The following MTMR14 variants were observed in gnomAD, a reference collection of about 807,000 sequenced individuals.
MTMR14 encodes phosphatidylinositol-3,5-bisphosphate 3-phosphatase MTMR14.
Under a neutral mutation model 86.3 loss-of-function variants are expected in MTMR14, and 48 were observed. That is an observed-to-expected ratio of 0.56 (90% CI 0.44 to 0.71). The LOEUF (loss-of-function observed/expected upper bound fraction) is 0.71. Ranked by LOEUF, MTMR14 falls within the 30% of genes least tolerant of loss-of-function variation. The probability of loss-of-function intolerance (pLI) is 0.00; values close to 1 mark genes in which losing one functional copy is unlikely to be tolerated. For synonymous variants in MTMR14, 366 were observed against 326.1 expected (o/e 1.12, Z -1.32); for missense variants, 780 against 834.6 (o/e 0.93, Z 0.81).
chr3:9,650,352 G>A (rs1044350370), intron 1 of MTMR14: 1 of 456,630 alleles, frequency 2.2e-6, no homozygotes, highest in Non-Finnish European at 4.4e-6. Flanking sequence ...GACCTGGAGG[G>A]CTTCCTGTCA....
At chr3:9,697,615 C>A in intron 17 of MTMR14, 96 bp from the exon 18 acceptor site, 12 of 1,387,482 alleles carry the variant, frequency 8.6e-6, no homozygotes, top group South Asian at 2.7e-5. Flanking sequence ...CAGAACCTAG[C>A]AGCCAGGGCT....
chr3:9,664,117 T>C (rs2048112610), intron 3 of MTMR14, among the ~76,000 whole-genome samples: 3 of 151,970 alleles, frequency 2.0e-5, no homozygotes, highest in Admixed American at 2.0e-4. Context: ...AGTACCACCC[T>C]GTGCAGCACA....
intron 14 of MTMR14, among the ~76,000 whole-genome samples, 175 bp downstream of exon 14, chr3:9,688,066 G>C (rs1338186361): frequency 6.6e-6 from 1 of 152,190 alleles, no homozygotes; most frequent in Non-Finnish European, 1.5e-5. Context: ...AAGGCCACTG[G>C]TGAAGAGGCT....
At chr3:9,699,144 C>T (rs1575098454) in intron 18 of MTMR14, among the ~76,000 whole-genome samples, 1 of 150,976 alleles carries the variant, frequency 6.6e-6, no homozygotes, top group South Asian at 2.1e-4. Context: ...TGCACTCCAG[C>T]CTGGGCAACA....
At chr3:9,685,046 G>C (rs1399781912) in intron 12 of MTMR14, 82 bp downstream of exon 12, 1 of 1,518,606 alleles carries the variant, frequency 6.6e-7, no homozygotes, top group South Asian at 1.1e-5. Flanking sequence ...CTTGACAGGG[G>C]CTGGAGGTAA....
chr3:9,693,715 G>A (rs1326400455), intron 17 of MTMR14, among the ~76,000 whole-genome samples: 1 of 152,232 alleles, frequency 6.6e-6, no homozygotes, highest in Non-Finnish European at 1.5e-5. Flanking sequence ...GAGTGGACCT[G>A]TGCAGTTCAT....
chr3:9,683,896 G>A (rs1205050059), intron 10 of MTMR14, among the ~76,000 whole-genome samples: 3 of 152,114 alleles, frequency 2.0e-5, no homozygotes, highest in Non-Finnish European at 2.9e-5. Context: ...CCTGTCTCCC[G>A]CCATCTTAGC....
In MTMR14 at chr3:9,649,615, C is replaced by T. The variant is rs2047160344; in HGVS notation, c.32C>T (p.Ala11Val). 1 of 1,551,746 alleles carries T rather than the reference C, an allele frequency of 6.4e-7. No individual in the cohort carries two copies. MAGARAAAAAASAGSSASSGN... is the reference protein window; with the variant it reads MAGARAAAAAVSAGSSASSGN... ...GGCGCTCGGGCCGCCGCCGCCGCTG[C>T]CTCGGCGGGGTCCTCGGCCTCTTCA... Residue 11 changes from alanine (A) to valine (V), a missense_variant, in exon 1 of 19, where the codon GCC becomes GTC. Coordinates refer to ENST00000296003, the MANE Select transcript of MTMR14 (RefSeq NM_001077525.3).
chr3:9,650,121 T>C (rs1441296698), intron 1 of MTMR14, among the ~76,000 whole-genome samples: 1 of 151,748 alleles, frequency 6.6e-6, no homozygotes, highest in Non-Finnish European at 1.5e-5. Context: ...CTAAGAAAAA[T>C]AGGGAGACGA....
chr3:9,687,693 C>T, intron 13 of MTMR14, 128 bp from the exon 14 acceptor site: 2 of 751,374 alleles, frequency 2.7e-6, no homozygotes, highest in East Asian at 5.4e-5. Context: ...TGGACCAGAA[C>T]ACCCACACAG....
chr3:9,684,994 G>A (rs1236567013), intron 12 of MTMR14, 30 bp downstream of exon 12: 2 of 1,604,328 alleles, frequency 1.2e-6, no homozygotes, highest in East Asian at 4.5e-5. Flanking sequence ...GGGTTTTGGG[G>A]CCTTAGTAAC....
intron 3 of MTMR14, among the ~76,000 whole-genome samples, chr3:9,665,396 C>T (rs80274753): frequency 0.026 from 4,000 of 151,994 alleles, 167 homozygotes; most frequent in African/African-American, 0.09. Flanking sequence ...CGCATGTTCT[C>T]ATTCATAAGT....
intron 9 of MTMR14, among the ~76,000 whole-genome samples, chr3:9,680,840 A>AAAC: frequency 6.6e-6 from 1 of 152,048 alleles, no homozygotes; most frequent in South Asian, 2.1e-4. Flanking sequence ...CCGTCTCAAA[A>AAAC]AAACAAACAA....
intron 9 of MTMR14, among the ~76,000 whole-genome samples, chr3:9,681,168 T>G (rs892652786): frequency 6.6e-6 from 1 of 152,072 alleles, no homozygotes; most frequent in African/African-American, 2.4e-5. Flanking sequence ...TGAGGCTTAC[T>G]GAATGAATGA....
intron 9 of MTMR14, among the ~76,000 whole-genome samples, chr3:9,678,642 G>A (rs1361766325): frequency 6.6e-6 from 1 of 152,210 alleles, no homozygotes; most frequent in Non-Finnish European, 1.5e-5. Flanking sequence ...CTGCCTGGCT[G>A]CCACCTCTCA....
At chr3:9,684,759 C>T (rs2125272024) in intron 11 of MTMR14, 89 bp downstream of exon 11, 1 of 1,553,438 alleles carries the variant, frequency 6.4e-7, no homozygotes, top group Non-Finnish European at 8.9e-7. Flanking sequence ...GATGCCATCG[C>T]TCAGAGCAGA....
In MTMR14 at chr3:9,662,386, T is replaced by C. The variant is rs1253942459; in HGVS notation, c.417+11T>C. On this transcript the variant is annotated intron_variant, in intron 3 of 18. Transcript: ENST00000296003. ...CTGTTCAAGGGCAAGGTAAGGCCCATACCATAGCTTCATGCTCCACGACTC... is the reference window on the plus strand; with the variant it reads ...CTGTTCAAGGGCAAGGTAAGGCCCACACCATAGCTTCATGCTCCACGACTC... The C allele has an allele frequency of 1.2e-6, 2 of 1,603,498 alleles. No homozygotes were observed. The highest frequency in any genetic ancestry group is 3.3e-5 in the Admixed American group (2 of 59,920).
chr3:9,667,510 T>C (rs1389538311), intron 3 of MTMR14, among the ~76,000 whole-genome samples: 3 of 152,086 alleles, frequency 2.0e-5, no homozygotes, highest in African/African-American at 7.2e-5. Context: ...CCACAGAAAG[T>C]TAAGTGGCCC....
Position 9,672,750 on chromosome 3 carries a change from C to A in MTMR14, c.743C>A (p.Pro248Gln). ...GCCGACTTCACTCTCCTCTCCATCC[C>A]GTATCCAGGTAGGGGGCTCTCTTCT... ...RYADFTLLSI[P>Q]YPGCEFFKEY... The change falls in exon 7 of 19, where the codon CCG becomes CAG. Residue 248 changes from proline to glutamine, a missense_variant. Pro to Gln is a moderately conservative substitution (Grantham distance 76). Transcript: ENST00000296003. 7.4e-6 allele frequency: 12 copies of A among 1,614,126 alleles called. No homozygotes were observed. The highest frequency in any genetic ancestry group is 9.3e-6 in the Non-Finnish European group (11 of 1,179,988).
Sources: gnomAD v4.1 joint callset for allele counts (sites outside exome capture counted in the v4.1 genomes callset) on GRCh38, gnomAD v4.1.1 for gene constraint, MANE v1.5 for transcripts, NCBI Gene and HGNC (gene_info 2026-07-23, HGNC 2026-07-21) for gene names.